MYBPC1: variants seen among roughly 807,000 people sequenced by gnomAD.
MYBPC1 encodes the protein myosin-binding protein C, slow-type.
A neutral mutation model predicts 147.1 loss-of-function variants in MYBPC1; 52 were observed. That is an observed-to-expected ratio of 0.35 (90% CI 0.28 to 0.45). MYBPC1 has a LOEUF of 0.45. Among genes scored for constraint, MYBPC1 ranks in the 20% least tolerant of loss-of-function variants. The pLI is 1.00. For missense variants in MYBPC1, 1,228 were observed against 1,440.3 expected, an observed-to-expected ratio of 0.85 and a Z score of 2.39; for synonymous variants, 477 against 475.9, an observed-to-expected ratio of 1.00 and a Z score of -0.03.
intron 10 of MYBPC1, among the ~76,000 whole-genome samples, chr12:101,638,260 G>A (rs560677163): frequency 1.7e-4 from 26 of 152,294 alleles, no homozygotes; most frequent in African/African-American, 4.8e-4. Context: ...CTGTCTTTGC[G>A]TAGAATATAA....
chr12:101,629,148 A>G, intron 5 of MYBPC1: 1 of 416,698 alleles, frequency 2.4e-6, no homozygotes, highest in Non-Finnish European at 4.5e-6. Context: ...GAAGCAAAGG[A>G]ATTATTGCCA....
At chr12:101,632,369 T>A (rs1030141153) in intron 8 of MYBPC1, among the ~76,000 whole-genome samples, 1 of 152,224 alleles carries the variant, frequency 6.6e-6, no homozygotes, top group African/African-American at 2.4e-5. Context: ...CCATGCTATC[T>A]ATATTCTTTC....
intron 1 of MYBPC1, among the ~76,000 whole-genome samples, chr12:101,597,356 C>T (rs1314644364): frequency 6.6e-6 from 1 of 152,192 alleles, no homozygotes; most frequent in Non-Finnish European, 1.5e-5. Flanking sequence ...GCCATGACCA[C>T]TTGCTGTGAA....
At chr12:101,608,275 C>T (rs370798926) in intron 1 of MYBPC1, among the ~76,000 whole-genome samples, 1 of 152,180 alleles carries the variant, frequency 6.6e-6, no homozygotes, top group African/African-American at 2.4e-5. Flanking sequence ...CAAACTAGTT[C>T]ATTTTTAGGT....
intron 10 of MYBPC1, among the ~76,000 whole-genome samples, chr12:101,638,712 C>G (rs1355318574): frequency 1.3e-5 from 2 of 152,074 alleles, no homozygotes; most frequent in Non-Finnish European, 2.9e-5. Context: ...ACTTTTTCAA[C>G]CAGTAATTCC....
chr12:101,685,658 C>T lies in MYBPC1; in HGVS notation c.*96C>T. 6.5e-7 allele frequency: 1 copy of T among 1,530,010 alleles called. No individual in the cohort carries two copies. Among genetic ancestry groups the T allele is most frequent in the Non-Finnish European group, 8.8e-7 (1 of 1,141,600 alleles). 94.8% of individuals were successfully genotyped at this position (1,530,010 alleles called of 1,614,324 possible). A position where few individuals can be genotyped will look rare whatever the true frequency, so the allele number is the denominator to read the frequency against. ...TTGATTCGTATCTGCGAGACTTACA[C>T]TCAAGCAATCCTGAGGAATACTGAG... On this transcript the variant is annotated 3_prime_UTR_variant, in exon 32 of 32. Transcript: ENST00000361466.
At chr12:101,666,148 A>C (rs1897365129) in intron 22 of MYBPC1, 1 of 159,168 alleles carries the variant, frequency 6.3e-6, no homozygotes, top group African/African-American at 2.4e-5. Context: ...GACAGAGTTC[A>C]TTGTCATGGG....
intron 22 of MYBPC1, chr12:101,666,774 G>C: frequency 6.2e-7 from 1 of 1,613,844 alleles, no homozygotes; most frequent in Non-Finnish European, 8.5e-7. Context: ...GATGAAAATG[G>C]GGAGGCTGCC....
intron 1 of MYBPC1, among the ~76,000 whole-genome samples, chr12:101,599,778 T>C (rs892361984): frequency 1.2e-4 from 19 of 152,206 alleles, no homozygotes; most frequent in African/African-American, 4.1e-4. Flanking sequence ...ATGATTTCAA[T>C]TGAAAATAAA....
chr12:101,634,722 C>T, intron 9 of MYBPC1, 117 bp downstream of exon 9: 1 of 821,940 alleles, frequency 1.2e-6, no homozygotes, highest in East Asian at 2.6e-5. Context: ...CTTTTCACCG[C>T]AAAAACACCA....
rs771723023 is a variant in MYBPC1 at position 101,631,616 on chromosome 12, T to C, written c.335T>C (p.Leu112Pro). ...FIAKVKAEDLLRKPTIKWFKG... is the reference protein window; with the variant it reads ...FIAKVKAEDLPRKPTIKWFKG... ...GCCAAAGTCAAGGCTGAAGATCTTC[T>C]GAGAAAACCCACTATCAAATGGTTC... Residue 112 changes from leucine (L) to proline (P), a missense_variant, in exon 7 of 32, where the codon CTG becomes CCG. Physicochemically the swap from Leu to Pro is moderately conservative, Grantham distance 98. Transcript: ENST00000361466. 2.5e-6 allele frequency: 4 copies of C among 1,614,172 alleles called. No individual in the cohort carries two copies. Among genetic ancestry groups the C allele is most frequent in the Non-Finnish European group, 2.5e-6 (3 of 1,180,018 alleles).
chr12:101,654,073 G>A (rs1394606860), intron 18 of MYBPC1, among the ~76,000 whole-genome samples: 1 of 152,044 alleles, frequency 6.6e-6, no homozygotes, highest in Admixed American at 6.5e-5. Flanking sequence ...AAATATGGTG[G>A]CAGCATGCCT....
chr12:101,668,023 T>G (rs1386105248), intron 23 of MYBPC1, 124 bp downstream of exon 23: 1 of 36,874 alleles, frequency 2.7e-5, no homozygotes, highest in Non-Finnish European at 7.3e-5. Flanking sequence ...TTGTTAATGC[T>G]TTAATGCTTC....
intron 27 of MYBPC1, 123 bp downstream of exon 27, chr12:101,677,517 A>G (rs1418449998): frequency 1.7e-6 from 2 of 1,174,338 alleles, no homozygotes; most frequent in Non-Finnish European, 1.2e-6. Context: ...TAAAATTATG[A>G]TAATGGTGTT....
chr12:101,639,594 G>A (rs1891637304), intron 10 of MYBPC1, among the ~76,000 whole-genome samples: 1 of 152,192 alleles, frequency 6.6e-6, no homozygotes, highest in African/African-American at 2.4e-5. Context: ...TAAGAGTGGA[G>A]AGTATCTTGG....
intron 22 of MYBPC1, 22 bp from the exon 23 acceptor site, chr12:101,667,704 TCTTTTC>T (rs1897747707): frequency 6.2e-7 from 1 of 1,613,838 alleles, no homozygotes; most frequent in African/African-American, 1.3e-5. Flanking sequence ...CATTCCTCCT[TCTTTTC>T]CTTTTCTTTT....
chr12:101,597,772 A>G (rs1339193373), intron 1 of MYBPC1, among the ~76,000 whole-genome samples: 1 of 152,180 alleles, frequency 6.6e-6, no homozygotes, highest in Non-Finnish European at 1.5e-5. Context: ...GAACTATGTT[A>G]TTTGTACTGT....
chr12:101,656,436 G>A (rs985624473), intron 18 of MYBPC1, among the ~76,000 whole-genome samples: 3 of 152,052 alleles, frequency 2.0e-5, no homozygotes, highest in Non-Finnish European at 4.4e-5. Context: ...ATGACCCAAA[G>A]ATATGTTGAC....
intron 22 of MYBPC1, among the ~76,000 whole-genome samples, chr12:101,665,514 AG>A (rs1278020639): frequency 2.0e-5 from 3 of 152,026 alleles, no homozygotes; most frequent in Non-Finnish European, 4.4e-5. Flanking sequence ...TAATGCCTGC[AG>A]CATTTTACTC....
Sources: allele counts gnomAD v4.1 joint callset (sites outside exome capture counted in the v4.1 genomes callset), GRCh38; gene constraint gnomAD v4.1.1; transcripts MANE v1.5; gene names NCBI Gene and HGNC (gene_info 2026-07-23, HGNC 2026-07-21).